The following TAF4B variants were observed in gnomAD, a reference collection of about 807,000 sequenced individuals.
TAF4B encodes the protein transcription initiation factor TFIID subunit 4B.
TAF4B carries 38 observed loss-of-function variants against 86.4 expected under a neutral mutation model. That is an observed-to-expected ratio of 0.44 (90% CI 0.34 to 0.58). TAF4B has a LOEUF of 0.58. Among genes scored for constraint, TAF4B ranks in the 20% least tolerant of loss-of-function variants. The probability of loss-of-function intolerance (pLI) is 0.02; values close to 1 mark genes in which losing one functional copy is unlikely to be tolerated. For missense variants in TAF4B, 988 were observed against 1,027.6 expected (o/e 0.96, Z 0.53); for synonymous variants, 388 against 391.2 (o/e 0.99, Z 0.10).
chr18:26,292,160 A>G (rs532857723), intron 7 of TAF4B, 86 bp from the exon 8 acceptor site: 4 of 1,443,510 alleles, frequency 2.8e-6, no homozygotes, highest in Non-Finnish European at 3.7e-6. Context: ...GGCTGGGGGA[A>G]CACAATCTGT....
intron 6 of TAF4B, among the ~76,000 whole-genome samples, chr18:26,285,669 G>A (rs893617633): frequency 1.3e-5 from 2 of 152,162 alleles, no homozygotes; most frequent in African/African-American, 2.4e-5. Context: ...CTGAGATATA[G>A]TAATTTCATA....
intron 14 of TAF4B, among the ~76,000 whole-genome samples, chr18:26,358,668 C>T (rs1460841903): frequency 6.6e-6 from 1 of 152,162 alleles, no homozygotes; most frequent in African/African-American, 2.4e-5. Flanking sequence ...CAAGATCGCG[C>T]CACTGCACTC....
chr18:26,235,989 C>G (rs971721707), intron 1 of TAF4B, among the ~76,000 whole-genome samples: 19 of 152,196 alleles, frequency 1.2e-4, no homozygotes, highest in Admixed American at 1.3e-4. Flanking sequence ...TTAAGAGCTT[C>G]AGGCCTTAAG....
intron 1 of TAF4B, among the ~76,000 whole-genome samples, chr18:26,246,592 G>T (rs1309131217): frequency 6.6e-6 from 1 of 151,650 alleles, no homozygotes; most frequent in Admixed American, 6.6e-5. Flanking sequence ...GGAGTGCAGT[G>T]GCGCGATCTC....
rs569025437 is a variant in TAF4B at position 26,345,208 on chromosome 18, C to T, written c.2316+9977C>T. On this transcript the variant is annotated intron_variant, in intron 13 of 14. Transcript: ENST00000269142. ...CACCCACAATCAGGGTCTGAAAAGCCGCTCCACTGGCAGCCACACTCCAAG... is the reference window on the plus strand; with the variant it reads ...CACCCACAATCAGGGTCTGAAAAGCTGCTCCACTGGCAGCCACACTCCAAG... Among the ~76,000 whole-genome samples, 22 of 152,288 alleles carry T rather than the reference C, an allele frequency of 1.4e-4. No homozygotes were observed. The South Asian group carries it at 2.3e-3, about 16-fold the overall frequency.
At chr18:26,263,973 G>A (rs1568113237) in intron 1 of TAF4B, among the ~76,000 whole-genome samples, 2 of 152,078 alleles carry the variant, frequency 1.3e-5, no homozygotes, top group Non-Finnish European at 1.5e-5. Flanking sequence ...TGTGAAATAG[G>A]CATCTGAAAG....
chr18:26,238,528 G>A (rs2055784844), intron 1 of TAF4B, among the ~76,000 whole-genome samples: 1 of 151,984 alleles, frequency 6.6e-6, no homozygotes, highest in South Asian at 2.1e-4. Context: ...GCCTAAAGAA[G>A]GAAACAGAGT....
chr18:26,281,714 T>G (rs1478287), intron 5 of TAF4B, among the ~76,000 whole-genome samples: 1 of 151,920 alleles, frequency 6.6e-6, no homozygotes, highest in African/African-American at 2.4e-5. Context: ...TAGTATTACT[T>G]AACCCATCAG....
intron 9 of TAF4B, among the ~76,000 whole-genome samples, chr18:26,299,344 G>A (rs1445029283): frequency 1.3e-5 from 2 of 151,946 alleles, no homozygotes; most frequent in Non-Finnish European, 1.5e-5. Flanking sequence ...TATTATTCTA[G>A]GATCATGAAT....
At chr18:26,261,771 A>C (rs1026958590) in intron 1 of TAF4B, among the ~76,000 whole-genome samples, 1 of 152,140 alleles carries the variant, frequency 6.6e-6, no homozygotes, top group Non-Finnish European at 1.5e-5. Flanking sequence ...TTCTTTGGTA[A>C]ACTAGTAGAC....
chr18:26,371,531 A>G (rs1316044008), intron 14 of TAF4B, among the ~76,000 whole-genome samples: 1 of 152,184 alleles, frequency 6.6e-6, no homozygotes, highest in Non-Finnish European at 1.5e-5. Flanking sequence ...AGTGTCATTT[A>G]ATTGCTAAAG....
chr18:26,227,137 C>T lies in TAF4B; in HGVS notation c.204C>T (p.Thr68=), dbSNP rs746040332. 6.2e-7 allele frequency: 1 copy of T among 1,613,778 alleles called. No individual in the cohort carries two copies. The highest frequency in any genetic ancestry group is 1.3e-5 in the African/African-American group (1 of 74,906). Residue 68 remains threonine (T), a synonymous_variant, in exon 1 of 15, where the codon ACC becomes ACT. Transcript: ENST00000269142. ...ASQPLRSPVG[T]LVTKVAPVSA... Reference sequence around the variant, plus strand: ...AGCCCCTGCGGTCCCCCGTGGGGACCCTGGTGACCAAAGTGGCTCCGGTCA... The same window carrying T: ...AGCCCCTGCGGTCCCCCGTGGGGACTCTGGTGACCAAAGTGGCTCCGGTCA...
intron 1 of TAF4B, among the ~76,000 whole-genome samples, chr18:26,243,196 T>A (rs548298058): frequency 6.6e-6 from 1 of 152,346 alleles, no homozygotes; most frequent in South Asian, 2.1e-4. Context: ...CTTGGTTCCA[T>A]TCTCCCCATC....
intron 13 of TAF4B, among the ~76,000 whole-genome samples, chr18:26,351,013 C>T (rs535255920): frequency 5.7e-4 from 86 of 152,170 alleles, no homozygotes; most frequent in Non-Finnish European, 1.2e-4. Flanking sequence ...TCCAGCAATC[C>T]CAGTACTGAG....
In TAF4B at chr18:26,286,508, C is replaced by A; in HGVS notation, c.1590+9C>A. The A allele has an allele frequency of 1.3e-6, 2 of 1,577,104 alleles. No individual in the cohort carries two copies. Among genetic ancestry groups the A allele is most frequent in the Non-Finnish European group, 1.7e-6 (2 of 1,167,894 alleles). On this transcript the variant is annotated intron_variant, in intron 7 of 14. Coordinates refer to ENST00000269142, the MANE Select transcript of TAF4B (RefSeq NM_005640.3). ...TTCAAGTCAAGCAACTAGTGAGTAACATTTTGTTTCTTCCCCAGTTACTTA... is the reference window on the plus strand; with the variant it reads ...TTCAAGTCAAGCAACTAGTGAGTAAAATTTTGTTTCTTCCCCAGTTACTTA...
chr18:26,231,324 T>C lies in TAF4B; in HGVS notation c.343+4048T>C, dbSNP rs191925364. Among the ~76,000 whole-genome samples, 130 of 146,888 alleles carry C rather than the reference T, an allele frequency of 8.9e-4. 3 individuals are homozygous for C. In the South Asian group the frequency reaches 0.014, roughly 16 times the overall value. On this transcript the variant is annotated intron_variant, in intron 1 of 14. Transcript: ENST00000269142. ...TCCCAAAATGCTGGGATTACAGATGTGAGCCACCCAGCTGCTTGGGGTTTT... is the reference window on the plus strand; with the variant it reads ...TCCCAAAATGCTGGGATTACAGATGCGAGCCACCCAGCTGCTTGGGGTTTT...
intron 12 of TAF4B, among the ~76,000 whole-genome samples, chr18:26,331,020 C>T (rs2057046141): frequency 1.3e-5 from 2 of 152,092 alleles, no homozygotes; most frequent in Admixed American, 1.3e-4. Flanking sequence ...TGGCCTATAC[C>T]TTCACATGCC....
intron 3 of TAF4B, among the ~76,000 whole-genome samples, chr18:26,272,974 A>G (rs1318295914): frequency 6.6e-6 from 1 of 152,180 alleles, no homozygotes; most frequent in Non-Finnish European, 1.5e-5. Flanking sequence ...TCTAGTCCTC[A>G]TCATTAATCA....
chr18:26,355,179 A>G (rs1276723256), intron 13 of TAF4B, among the ~76,000 whole-genome samples: 1 of 152,176 alleles, frequency 6.6e-6, no homozygotes, highest in East Asian at 1.9e-4. Context: ...TAAGTTTCCA[A>G]TTGTACCTTA....
Sources: gnomAD v4.1 joint callset for allele counts (sites outside exome capture counted in the v4.1 genomes callset) on GRCh38, gnomAD v4.1.1 for gene constraint, MANE v1.5 for transcripts, NCBI Gene and HGNC (gene_info 2026-07-23, HGNC 2026-07-21) for gene names.